AP2B1: variants seen among roughly 807,000 people sequenced by gnomAD.
AP2B1 encodes the protein AP-2 complex subunit beta.
AP2B1 carries 23 observed loss-of-function variants against 102.0 expected under a neutral mutation model. The observed-to-expected ratio is 0.23, with a 90% CI of 0.16 to 0.32. The LOEUF is 0.32. Among genes scored for constraint, AP2B1 ranks in the 10% least tolerant of loss-of-function variants. The pLI, the probability that AP2B1 is intolerant of heterozygous loss-of-function variation, is 1.00. For synonymous variants in AP2B1, 381 were observed against 421.2 expected, an observed-to-expected ratio of 0.90 and a Z score of 1.17; for missense variants, 541 against 1,157.4, an observed-to-expected ratio of 0.47 and a Z score of 7.73.
chr17:35,685,274 T>C (rs1445354016), intron 18 of AP2B1, among the ~76,000 whole-genome samples: 1 of 152,202 alleles, frequency 6.6e-6, no homozygotes, highest in Non-Finnish European at 1.5e-5. Context: ...ACTTAGTGTA[T>C]GCTGGTGAGA....
chr17:35,650,861 T>TG (rs2075069245), intron 13 of AP2B1, 72 bp downstream of exon 13: 1 of 1,520,874 alleles, frequency 6.6e-7, no homozygotes, highest in Non-Finnish European at 8.9e-7. Flanking sequence ...CTTTATGCTT[T>TG]TATAGTCTGG....
intron 9 of AP2B1, among the ~76,000 whole-genome samples, chr17:35,632,047 T>G (rs991321686): frequency 7.2e-5 from 11 of 152,188 alleles, no homozygotes; most frequent in African/African-American, 2.7e-4. Context: ...AGTGGCACAC[T>G]TAGAAAATTG....
chr17:35,604,566 T>TGGCTAAC (rs79449784), intron 3 of AP2B1, among the ~76,000 whole-genome samples: 74,915 of 151,262 alleles, frequency 0.5, 18,532 homozygotes, highest in East Asian at 0.52. Flanking sequence ...GGGACTAGCC[T>TGGCTAAC]GGCTAACATG....
intron 11 of AP2B1, among the ~76,000 whole-genome samples, chr17:35,641,595 T>A (rs1170415243): frequency 6.6e-6 from 1 of 152,090 alleles, no homozygotes; most frequent in Non-Finnish European, 1.5e-5. Flanking sequence ...ATAATAATAA[T>A]AAACACAGGT....
At chr17:35,683,829 A>G (rs2142993813) in intron 18 of AP2B1, among the ~76,000 whole-genome samples, 1 of 152,354 alleles carries the variant, frequency 6.6e-6, no homozygotes, top group African/African-American at 2.4e-5. Context: ...CCCTGCATAA[A>G]GCAGAGACCC....
chr17:35,604,740 A>T (rs1170295350), intron 3 of AP2B1, among the ~76,000 whole-genome samples: 1 of 152,212 alleles, frequency 6.6e-6, no homozygotes. Context: ...CCTGGGCGAC[A>T]GAGTGAGACT....
intron 18 of AP2B1, among the ~76,000 whole-genome samples, chr17:35,698,304 T>G (rs369713277): frequency 2.8e-4 from 43 of 152,114 alleles, no homozygotes; most frequent in East Asian, 1.9e-3. Flanking sequence ...AGGGTGTTTT[T>G]TTTTGTTTTG....
At chr17:35,653,919 G>A (rs902210514) in intron 13 of AP2B1, among the ~76,000 whole-genome samples, 1 of 152,084 alleles carries the variant, frequency 6.6e-6, no homozygotes, top group Non-Finnish European at 1.5e-5. Context: ...ATTGAAACCT[G>A]CACATATAAT....
intron 3 of AP2B1, among the ~76,000 whole-genome samples, chr17:35,599,247 A>T (rs1473359309): frequency 1.3e-5 from 2 of 152,244 alleles, no homozygotes; most frequent in Non-Finnish European, 2.9e-5. Context: ...CACCATTTTT[A>T]TGTGAAAGAA....
At chr17:35,643,792 G>A (rs73283365) in intron 12 of AP2B1, among the ~76,000 whole-genome samples, 1,952 of 152,260 alleles carry the variant, frequency 0.013, 49 homozygotes, top group African/African-American at 0.045. Context: ...TCTGTTGTTA[G>A]CTTGTTATCA....
At chr17:35,609,648 T>G (rs748121240) in intron 5 of AP2B1, among the ~76,000 whole-genome samples, 5 of 151,704 alleles carry the variant, frequency 3.3e-5, no homozygotes, top group Non-Finnish European at 5.9e-5. Flanking sequence ...CACCCAGCCT[T>G]ATTTTTTATG....
Position 35,629,305 on chromosome 17 carries a change from A to G in AP2B1, c.1155+1579A>G, listed in dbSNP as rs77157096. Reference sequence around the variant, plus strand: ...GCATGTGTGTCTTTATCATGCCCCTATATTATTCCTGTTCCTTAAGCATAA... The same window carrying G: ...GCATGTGTGTCTTTATCATGCCCCTGTATTATTCCTGTTCCTTAAGCATAA... On this transcript the variant is annotated intron_variant, in intron 9 of 21. Coordinates refer to ENST00000610402, the MANE Select transcript of AP2B1 (RefSeq NM_001030006.2). 2.9e-4 allele frequency among the ~76,000 whole-genome samples: 44 copies of G among 152,024 alleles called. No homozygotes were observed. In the East Asian group the frequency reaches 7.9e-3, roughly 27 times the overall value.
chr17:35,695,666 C>G (rs751178462), intron 18 of AP2B1, among the ~76,000 whole-genome samples: 4 of 152,140 alleles, frequency 2.6e-5, no homozygotes, highest in Non-Finnish European at 4.4e-5. Context: ...CCCTAATCCT[C>G]TCCACTTCTA....
intron 3 of AP2B1, among the ~76,000 whole-genome samples, chr17:35,599,348 G>GA (rs1001848332): frequency 1.6e-4 from 24 of 152,068 alleles, no homozygotes; most frequent in Non-Finnish European, 2.6e-4. Context: ...CACTTCAAGG[G>GA]AAAAAAATTG....
chr17:35,595,877 CA>C (rs1310688952), intron 2 of AP2B1, among the ~76,000 whole-genome samples: 1 of 151,688 alleles, frequency 6.6e-6, no homozygotes, highest in African/African-American at 2.4e-5. Context: ...CTTTGACGAA[CA>C]AAATGTCTAT....
At chr17:35,593,263 A>G (rs529695989) in intron 1 of AP2B1, among the ~76,000 whole-genome samples, 8 of 152,314 alleles carry the variant, frequency 5.3e-5, no homozygotes, top group African/African-American at 1.9e-4. Flanking sequence ...GTCAACAATA[A>G]TTTACTGTAC....
At chr17:35,712,443 A>G (rs911830882) in intron 20 of AP2B1, among the ~76,000 whole-genome samples, 2 of 152,150 alleles carry the variant, frequency 1.3e-5, no homozygotes, top group Non-Finnish European at 2.9e-5. Context: ...CCTGGCTAAC[A>G]TGGTGAAACC....
intron 5 of AP2B1, among the ~76,000 whole-genome samples, chr17:35,617,764 G>A (rs369136818): frequency 3.0e-4 from 45 of 152,152 alleles, no homozygotes; most frequent in African/African-American, 1.1e-3. Flanking sequence ...TAGAAATGGG[G>A]AGATCATAAG....
intron 1 of AP2B1, among the ~76,000 whole-genome samples, chr17:35,588,217 G>A (rs2072964259): frequency 8.7e-6 from 1 of 114,660 alleles, no homozygotes; most frequent in African/African-American, 3.4e-5. Flanking sequence ...GTTTTCAAGA[G>A]TAGTCTTCTA....
Sources: gnomAD v4.1 joint callset for allele counts (sites outside exome capture counted in the v4.1 genomes callset) on GRCh38, gnomAD v4.1.1 for gene constraint, MANE v1.5 for transcripts, NCBI Gene and HGNC (gene_info 2026-07-23, HGNC 2026-07-21) for gene names.